Variants in PECAM1 observed in about 807,000 individuals in gnomAD.
PECAM1 encodes the protein platelet and endothelial cell adhesion molecule 1, also known as platelet endothelial cell adhesion molecule.
Under a neutral mutation model 13.8 loss-of-function variants are expected in PECAM1, and 8 were observed. The observed-to-expected ratio is 0.58, with a 90% CI of 0.34 to 1.05. The LOEUF is 1.05. PECAM1 is among the 50% of genes least tolerant of loss of function. PECAM1 has a pLI of 0.03. For missense variants in PECAM1, 304 were observed against 141.2 expected (o/e 2.15, Z -5.84); for synonymous variants, 136 against 52.6 (o/e 2.58, Z -6.86).
At chr17:64,376,296 C>T (rs2036356399) in intron 3 of PECAM1, among the ~76,000 whole-genome samples, 1 of 140,110 alleles carries the variant, frequency 7.1e-6, no homozygotes, top group Non-Finnish European at 1.5e-5. Flanking sequence ...CAGAGTGAGA[C>T]TCTGTCTAAA....
At position 64,384,391 on chromosome 17, in the gene PECAM1, G is replaced by GC. The variant is rs1227067939; in HGVS notation, c.91+6097dup. Among the ~76,000 whole-genome samples the GC allele has an allele frequency of 1.1e-3, 169 of 151,638 alleles. 1 individual carries two copies. In the East Asian group the frequency reaches 0.012, roughly 11 times the overall value. ...CCTTGCTATAGAAGCCCTTCAAGAT[G>GC]CCCCCCCCAATGGTCCTTGCCCTCT... On this transcript the variant is annotated intron_variant, in intron 2 of 15. Transcript: ENST00000563924.
rs1275573619 is a variant in PECAM1, at chr17:64,369,341, T to C, written c.967+409A>G. ...GCTTGTCACAGGGGATGGAGAAATATAACAGAGTAATGAAAACATTAACCA... is the reference window on the plus strand; with the variant it reads ...GCTTGTCACAGGGGATGGAGAAATACAACAGAGTAATGAAAACATTAACCA... On this transcript the variant is annotated intron_variant, in intron 5 of 15. Coordinates refer to ENST00000563924, the MANE Select transcript of PECAM1 (RefSeq NM_000442.5). Among the ~76,000 whole-genome samples, 9 of 152,296 alleles carry C rather than the reference T, an allele frequency of 5.9e-5. No individual in the cohort carries two copies. The East Asian group carries it at 1.3e-3, about 23-fold the overall frequency.
rs1174635050 is a variant in PECAM1 at position 64,352,232 on chromosome 17, T to C, written c.1990+158A>G. On this transcript the variant is annotated intron_variant, in intron 11 of 15. Transcript: ENST00000563924. ...CCTTTCCTTTTACGTTTCCGTATATTACATGGCCCAGTGGCTGATGAGATG... is the reference window on the plus strand; with the variant it reads ...CCTTTCCTTTTACGTTTCCGTATATCACATGGCCCAGTGGCTGATGAGATG... Among the ~76,000 whole-genome samples, 5 of 152,296 alleles carry C rather than the reference T, an allele frequency of 3.3e-5. No homozygotes were observed. In the South Asian group the frequency reaches 6.2e-4, roughly 19 times the overall value.
At chr17:64,351,033 T>C (rs1379580401) in intron 11 of PECAM1, among the ~76,000 whole-genome samples, 1 of 152,092 alleles carries the variant, frequency 6.6e-6, no homozygotes, top group Admixed American at 6.6e-5. Flanking sequence ...TGTACCACCA[T>C]GCCCAGCTAA....
chr17:64,340,991 G>A (rs1212745236), intron 14 of PECAM1, among the ~76,000 whole-genome samples: 1 of 152,054 alleles, frequency 6.6e-6, no homozygotes, highest in African/African-American at 2.4e-5. Context: ...CAGCTACTCA[G>A]GAGGCTGAGG....
chr17:64,387,656 G>A (rs1385834933), intron 2 of PECAM1, among the ~76,000 whole-genome samples: 2 of 152,182 alleles, frequency 1.3e-5, no homozygotes, highest in East Asian at 3.9e-4. Flanking sequence ...CTCCGAGGCC[G>A]GGAGGGAAAC....
At chr17:64,364,742 G>A (rs2036064050) in intron 5 of PECAM1, among the ~76,000 whole-genome samples, 3 of 152,008 alleles carry the variant, frequency 2.0e-5, no homozygotes, top group South Asian at 2.1e-4. Context: ...CTCAATAGAC[G>A]CAGAAAAGGC....
At chr17:64,374,762 C>T (rs1311965828) in intron 4 of PECAM1, among the ~76,000 whole-genome samples, 10 of 148,490 alleles carry the variant, frequency 6.7e-5, no homozygotes, top group East Asian at 2.0e-4. Flanking sequence ...CCAGCTTGGG[C>T]GACAGAGCGA....
chr17:64,365,421 C>G (rs2036080938), intron 5 of PECAM1, among the ~76,000 whole-genome samples: 1 of 149,528 alleles, frequency 6.7e-6, no homozygotes, highest in African/African-American at 2.4e-5. Context: ...AGATTCAATG[C>G]CATCCCCATC....
At chr17:64,325,218 C>G (rs1489378398) in intron 15 of PECAM1, among the ~76,000 whole-genome samples, 2 of 151,532 alleles carry the variant, frequency 1.3e-5, no homozygotes, top group East Asian at 1.9e-4. Context: ...GAAACCTTGT[C>G]TCTACTGAAA....
intron 11 of PECAM1, among the ~76,000 whole-genome samples, chr17:64,351,838 C>T (rs1381951422): frequency 2.0e-5 from 3 of 152,232 alleles, no homozygotes; most frequent in South Asian, 2.1e-4. Context: ...AATTTTCTTA[C>T]TAACCTGGGA....
At chr17:64,347,151 T>G (rs2035588072) in intron 13 of PECAM1, among the ~76,000 whole-genome samples, 1 of 152,132 alleles carries the variant, frequency 6.6e-6, no homozygotes, top group African/African-American at 2.4e-5. Context: ...GGCAGATTGC[T>G]TGAGCCCGGG....
intron 15 of PECAM1, among the ~76,000 whole-genome samples, chr17:64,325,423 T>C (rs2034925460): frequency 6.6e-6 from 1 of 151,698 alleles, no homozygotes; most frequent in Non-Finnish European, 1.5e-5. Context: ...ATATTATGTA[T>C]ATTTTATGAC....
Position 64,322,806 on chromosome 17 carries a change from C to G in PECAM1, c.*1010G>C, listed in dbSNP as rs1447148646. 9.2e-6 allele frequency: 5 copies of G among 545,872 alleles called. No homozygotes were observed. Among genetic ancestry groups the G allele is most frequent in the Non-Finnish European group, 1.2e-5 (5 of 428,346 alleles). 33.8% of individuals were successfully genotyped at this position (545,872 alleles called of 1,614,324 possible). ...TCTCCGCTCACTACAACCTCCGTTTCCTGGGTTCAAGCGATAATCTCACCT... is the reference window on the plus strand; with the variant it reads ...TCTCCGCTCACTACAACCTCCGTTTGCTGGGTTCAAGCGATAATCTCACCT... On this transcript the variant is annotated 3_prime_UTR_variant, in exon 16 of 16. Coordinates refer to ENST00000563924, the MANE Select transcript of PECAM1 (RefSeq NM_000442.5).
At chr17:64,348,193 C>A in intron 13 of PECAM1, 67 bp downstream of exon 13, 1 of 470,818 alleles carries the variant, frequency 2.1e-6, no homozygotes, top group South Asian at 7.0e-5. Context: ...CACAGCACCC[C>A]CGCCACCACT....
chr17:64,384,854 G>A (rs920240178), intron 2 of PECAM1, among the ~76,000 whole-genome samples: 4 of 152,160 alleles, frequency 2.6e-5, no homozygotes, highest in African/African-American at 4.8e-5. Context: ...AATATACCAC[G>A]CAACCAAACT....
chr17:64,360,091 A>C, intron 7 of PECAM1, 49 bp downstream of exon 7: 2 of 475,238 alleles, frequency 4.2e-6, no homozygotes, highest in Non-Finnish European at 7.7e-6. Context: ...CTGGGCGTGA[A>C]AGAATGCCCC....
intron 13 of PECAM1, among the ~76,000 whole-genome samples, chr17:64,342,608 G>A (rs1283684866): frequency 1.3e-5 from 2 of 152,044 alleles, no homozygotes; most frequent in African/African-American, 4.8e-5. Flanking sequence ...GGGGGTCCCT[G>A]GTGCTGGTTT....
chr17:64,366,883 G>A (rs2036120005), intron 5 of PECAM1, among the ~76,000 whole-genome samples: 1 of 149,192 alleles, frequency 6.7e-6, no homozygotes, highest in African/African-American at 2.5e-5. Context: ...TAAATGACGA[G>A]TTAATGGGTG....
Sources: allele counts gnomAD v4.1 joint callset (sites outside exome capture counted in the v4.1 genomes callset), GRCh38; gene constraint gnomAD v4.1.1; transcripts MANE v1.5; gene names NCBI Gene and HGNC (gene_info 2026-07-23, HGNC 2026-07-21).